The following TBL3 variants were observed in gnomAD, a reference collection of about 807,000 sequenced individuals.
TBL3 encodes the protein transducin beta-like protein 3.
A neutral mutation model predicts 102.7 loss-of-function variants in TBL3; 71 were observed. The ratio of observed to expected loss-of-function variants is 0.69; its 90% CI spans 0.57 to 0.84. TBL3 has a LOEUF of 0.84. Among genes scored for constraint, TBL3 ranks in the 40% least tolerant of loss-of-function variants. The pLI is 0.00. For missense variants in TBL3, 1,188 were observed against 1,098.5 expected, an observed-to-expected ratio of 1.08 and a Z score of -1.15; for synonymous variants, 578 against 477.7, an observed-to-expected ratio of 1.21 and a Z score of -2.74.
chr16:1,972,092 T>C lies in TBL3; in HGVS notation c.-73T>C. 1.4e-6 allele frequency: 2 copies of C among 1,446,340 alleles called. No individual in the cohort carries two copies. The highest frequency in any genetic ancestry group is 1.4e-5 in the South Asian group (1 of 72,390). 89.6% of individuals were successfully genotyped at this position (1,446,340 alleles called of 1,614,324 possible). A position where few individuals can be genotyped will look rare whatever the true frequency, so the allele number is the denominator to read the frequency against. On this transcript the variant is annotated 5_prime_UTR_variant, in exon 1 of 22. Coordinates refer to ENST00000568546, the MANE Select transcript of TBL3 (RefSeq NM_006453.3). ...GTGTGGCGTTCTGTGAAGAGTTCGG[T>C]GCTAACCTCCCTCACGCGGCGGTGG...
At position 1,976,228 on chromosome 16, in the gene TBL3, C is replaced by A; in HGVS notation, c.1206C>A (p.Ile402=). Residue 402 remains isoleucine (I), a synonymous_variant, in exon 13 of 22, where the codon ATC becomes ATA. Coordinates refer to ENST00000568546, the MANE Select transcript of TBL3 (RefSeq NM_006453.3). Reference sequence around the variant, plus strand: ...GTCCCCAGGATCAGAGCGTCCGTATCTGGAGAATGAACAAGGCTGGCCAGG... The same window carrying A: ...GTCCCCAGGATCAGAGCGTCCGTATATGGAGAATGAACAAGGCTGGCCAGG... ...ASCAKDQSVR[I]WRMNKAGQVM... The A allele has an allele frequency of 6.2e-7, 1 of 1,614,214 alleles. No individual in the cohort carries two copies. The highest frequency in any genetic ancestry group is 8.5e-7 in the Non-Finnish European group (1 of 1,180,042).
chr16:1,975,301 G>T (rs1242048305), intron 8 of TBL3, 39 bp downstream of exon 8: 2 of 1,613,816 alleles, frequency 1.2e-6, no homozygotes, highest in Non-Finnish European at 8.5e-7. Flanking sequence ...TGAGTTGGGT[G>T]GGGAGGGGGC....
Position 1,975,567 on chromosome 16 carries a change from G to A in TBL3, c.844G>A (p.Val282Met). The change falls in exon 10 of 22, where the codon GTG becomes ATG. Residue 282 changes from valine (V) to methionine (M), a missense_variant. Coordinates refer to ENST00000568546, the MANE Select transcript of TBL3 (RefSeq NM_006453.3). ...RVWEAASGQC[V>M]YTQAQPPGPG... is the part of the protein sequence containing the mutation. ...GTGGGAGGCAGCTTCTGGGCAGTGT[G>A]TGTACACGCAGGCCCAGCCGCCGGG... 1.3e-6 allele frequency: 2 copies of A among 1,599,150 alleles called. No homozygotes were observed. The highest frequency in any genetic ancestry group is 1.7e-6 in the Non-Finnish European group (2 of 1,178,860).
Position 1,980,022 on chromosome 16 carries a change from C to G in TBL3, c.*1337C>G, listed in dbSNP as rs2083466848. The stretch of plus-strand genomic sequence containing the variant: ...CTGAGGGGTGCCGCAGCAGCACGTC[C>G]AGGCTCTCCTGGGCCTGCGCCTGAA... On this transcript the variant is annotated 3_prime_UTR_variant, in exon 22 of 22. Transcript: ENST00000568546. The G allele has an allele frequency of 1.2e-6, 2 of 1,606,318 alleles. No individual in the cohort carries two copies. Among genetic ancestry groups the G allele is most frequent in the Admixed American group, 1.7e-5 (1 of 58,956 alleles).
chr16:1,979,807 G>C lies in TBL3; in HGVS notation c.*1122G>C, dbSNP rs2038936294. On this transcript the variant is annotated 3_prime_UTR_variant, in exon 22 of 22. Coordinates refer to ENST00000568546, the MANE Select transcript of TBL3 (RefSeq NM_006453.3). ...GCGCATACCGCTGCTCCCTAGGGAC[G>C]GGCCTCCCTCCCGGCCTTGGCCCGG... 1.1e-5 allele frequency: 17 copies of C among 1,558,734 alleles called. No homozygotes were observed. Among genetic ancestry groups the C allele is most frequent in the Middle Eastern group, 2.1e-4 (1 of 4,856 alleles).
rs759967596 is a variant in TBL3, at chr16:1,975,350, G to A, written c.717G>A (p.Val239=). The A allele has an allele frequency of 3.1e-6, 5 of 1,613,934 alleles. No homozygotes were observed. The highest frequency in any genetic ancestry group is 2.2e-5 in the East Asian group (1 of 44,906). ...ATRTVPVFES[V]EAAVLLPEEP... Reference sequence around the variant, plus strand: ...GTGACCCAATTCGTCTCCAGAGCGTGGAGGCTGCTGTGCTGTTGCCAGAGG... The same window carrying A: ...GTGACCCAATTCGTCTCCAGAGCGTAGAGGCTGCTGTGCTGTTGCCAGAGG... Residue 239 remains valine, a synonymous_variant, in exon 9 of 22, where the codon GTG becomes GTA. Transcript: ENST00000568546.
chr16:1,975,785 T>C, intron 10 of TBL3, 23 bp from the exon 11 acceptor site: 1 of 1,614,032 alleles, frequency 6.2e-7, no homozygotes, highest in Non-Finnish European at 8.5e-7. Context: ...GGCTCACATC[T>C]CCTGCTCCCT....
At position 1,980,297 on chromosome 16, in the gene TBL3, C is replaced by A; in HGVS notation, c.*1612C>A. Reference sequence around the variant, plus strand: ...TCTCTGCCCCTATTCGCTGGCTGTTCCCCCCCACCCTGGACCTCTCCCAGC... The same window carrying A: ...TCTCTGCCCCTATTCGCTGGCTGTTACCCCCCACCCTGGACCTCTCCCAGC... On this transcript the variant is annotated 3_prime_UTR_variant, in exon 22 of 22. Transcript: ENST00000568546. 6.6e-7 allele frequency: 1 copy of A among 1,521,108 alleles called. No homozygotes were observed. Among genetic ancestry groups the A allele is most frequent in the Non-Finnish European group, 8.8e-7 (1 of 1,132,980 alleles). 94.2% of individuals were successfully genotyped at this position (1,521,108 alleles called of 1,614,324 possible).
intron 1 of TBL3, among the ~76,000 whole-genome samples, chr16:1,973,617 T>G (rs978280479): frequency 6.6e-6 from 1 of 151,946 alleles, no homozygotes; most frequent in African/African-American, 2.4e-5. Flanking sequence ...TGGGCAAGCC[T>G]GGGGATGGAG....
At chr16:1,975,313 T>G in intron 8 of TBL3, 32 bp from the exon 9 acceptor site, 1 of 1,613,870 alleles carries the variant, frequency 6.2e-7, no homozygotes. Flanking sequence ...GGAGGGGGCA[T>G]GATAGCAGCC....
rs749591277 is a variant in TBL3 at position 1,975,434 on chromosome 16, C to A, written c.801C>A (p.Asp267Glu). Residue 267 changes from aspartate (D) to glutamate (E), a missense_variant, in exon 9 of 22, where the codon GAC (aspartate) becomes GAA (glutamate). Physicochemically the swap from Asp to Glu is conservative, Grantham distance 45. Coordinates refer to ENST00000568546, the MANE Select transcript of TBL3 (RefSeq NM_006453.3). ...SPGLYFLTAG[D>E]QGTLRVWEAA... Reference sequence around the variant, plus strand: ...GGCTGTACTTTCTGACAGCTGGCGACCAAGGTGTGTTGGGCCGGGACATGG... The same window carrying A: ...GGCTGTACTTTCTGACAGCTGGCGAACAAGGTGTGTTGGGCCGGGACATGG... The A allele has an allele frequency of 1.9e-6, 3 of 1,613,652 alleles. No individual in the cohort carries two copies. The highest frequency in any genetic ancestry group is 1.7e-5 in the Admixed American group (1 of 60,020).
In TBL3 at chr16:1,974,142, C is replaced by T. The variant is rs765602048; in HGVS notation, c.93+35C>T. On this transcript the variant is annotated intron_variant, in intron 2 of 21. Coordinates refer to ENST00000568546, the MANE Select transcript of TBL3 (RefSeq NM_006453.3). ...TGGGGAAGGGCAGTGGGGCGGGCAG[C>T]CAGAGGCCGCGGGGGGTGCTGAATG... is the stretch of plus-strand genomic sequence containing the variant. The T allele has an allele frequency of 7.0e-6, 11 of 1,566,928 alleles. No homozygotes were observed. The African/African-American group carries it at 1.4e-4, about 19-fold the overall frequency.
At chr16:1,973,163 C>T (rs915224024) in intron 1 of TBL3, among the ~76,000 whole-genome samples, 19 of 151,916 alleles carry the variant, frequency 1.3e-4, no homozygotes, top group African/African-American at 4.4e-4. Flanking sequence ...TAGGGGAGGC[C>T]GGGCGCGGTG....
Position 1,980,004 on chromosome 16 carries a change from GT to G in TBL3, c.*1320del, listed in dbSNP as rs200352693. On this transcript the variant is annotated 3_prime_UTR_variant, in exon 22 of 22. Transcript: ENST00000568546. ...GTTCTTGGGGGGCCCTACCTGAGGG[GT>G]GCCGCAGCAGCACGTCCAGGCTCTC... 22,295 of 1,603,248 alleles carry G rather than the reference GT, an allele frequency of 0.014. 172 individuals are homozygous for G. Among genetic ancestry groups the G allele is most frequent in the Non-Finnish European group, 0.017 (19,476 of 1,176,120 alleles).
rs2083446313 is a variant in TBL3 at position 1,979,323 on chromosome 16, G to A, written c.*638G>A. ...CCCTTCCGGCCGCAGCAGCACCGCG[G>A]GGAGTAGGCCCGCCCGGTCGCCGTA... On this transcript the variant is annotated 3_prime_UTR_variant, in exon 22 of 22. Transcript: ENST00000568546. 6.4e-7 allele frequency: 1 copy of A among 1,574,616 alleles called. No individual in the cohort carries two copies.
chr16:1,977,448 A>G (rs377551166), intron 16 of TBL3, 22 bp downstream of exon 16: 135 of 1,458,972 alleles, frequency 9.3e-5, no homozygotes, highest in Non-Finnish European at 1.3e-4. Context: ...GGGGTGGGGC[A>G]GCGATGGAGT....
chr16:1,979,618 CCTTG>C lies in TBL3; in HGVS notation c.*938_*941del. ...CCGCCCGCACCCTTCTCCACATTCTCCTTGCTTGAGTCTGCTGACGGCGGGGCCG... is the reference window on the plus strand; with the variant it reads ...CCGCCCGCACCCTTCTCCACATTCTCCTTGAGTCTGCTGACGGCGGGGCCG... On this transcript the variant is annotated 3_prime_UTR_variant, in exon 22 of 22. Coordinates refer to ENST00000568546, the MANE Select transcript of TBL3 (RefSeq NM_006453.3). The C allele has an allele frequency of 7.2e-7, 1 of 1,398,438 alleles. No individual in the cohort carries two copies. The highest frequency in any genetic ancestry group is 1.8e-5 in the Admixed American group (1 of 54,172). The allele number at this position is 1,398,438 out of a possible 1,614,324, so 86.6% of individuals were successfully genotyped here. A position where few individuals can be genotyped will look rare whatever the true frequency, so the allele number is the denominator to read the frequency against.
rs762903707 is a variant in TBL3, at chr16:1,980,418, C to A, written c.*1733C>A. ...GTCCAGGGGTTGCGGTGCGAAGAAG[C>A]CAGTGATCGTCGGGCTCCGTGCCAC... On this transcript the variant is annotated 3_prime_UTR_variant, in exon 22 of 22. Coordinates refer to ENST00000568546, the MANE Select transcript of TBL3 (RefSeq NM_006453.3). The A allele has an allele frequency of 6.2e-7, 1 of 1,602,902 alleles. No individual in the cohort carries two copies. The highest frequency in any genetic ancestry group is 1.1e-5 in the South Asian group (1 of 91,058).
Position 1,981,511 on chromosome 16 carries a change from C to T in TBL3, c.*2826C>T. On this transcript the variant is annotated 3_prime_UTR_variant, in exon 22 of 22. Transcript: ENST00000568546. ...GTAGGCGGGACTGCTGCCTGGGGCC[C>T]TCCTGCCTGCCTCTGGCCACAGGAG... 2.6e-6 allele frequency: 1 copy of T among 382,700 alleles called. No homozygotes were observed. The highest frequency in any genetic ancestry group is 4.7e-6 in the Non-Finnish European group (1 of 210,926). 23.7% of individuals were successfully genotyped at this position (382,700 alleles called of 1,614,324 possible).
Sources: allele counts gnomAD v4.1 joint callset (sites outside exome capture counted in the v4.1 genomes callset), GRCh38; gene constraint gnomAD v4.1.1; transcripts MANE v1.5; gene names NCBI Gene and HGNC (gene_info 2026-07-23, HGNC 2026-07-21).